The following NEK7 variants were observed in gnomAD, a reference collection of about 807,000 sequenced individuals.
NEK7 encodes the protein NIMA related kinase 7.
A neutral mutation model predicts 44.6 loss-of-function variants in NEK7; 18 were observed. That is an observed-to-expected ratio of 0.40 (90% CI 0.28 to 0.60). The LOEUF (loss-of-function observed/expected upper bound fraction) is 0.60. Among genes scored for constraint, NEK7 ranks in the 20% least tolerant of loss-of-function variants. The pLI is 0.38. For synonymous variants in NEK7, 130 were observed against 121.1 expected (o/e 1.07, Z -0.48); for missense variants, 256 against 366.5 (o/e 0.70, Z 2.46).
At chr1:198,217,203 C>T (rs1163444205) in intron 1 of NEK7, among the ~76,000 whole-genome samples, 1 of 151,960 alleles carries the variant, frequency 6.6e-6, no homozygotes, top group African/African-American at 2.4e-5. Flanking sequence ...AAATCCTCAA[C>T]AGAGTGTTAG....
chr1:198,238,161 T>G (rs765991335), intron 2 of NEK7, among the ~76,000 whole-genome samples: 9 of 152,152 alleles, frequency 5.9e-5, no homozygotes, highest in Non-Finnish European at 1.2e-4. Flanking sequence ...TTTTAATTTT[T>G]CCCCACCTCC....
rs563317202 is a variant in NEK7, at chr1:198,292,933, G to GT, written c.590-5dup. The GT allele has an allele frequency of 1.5e-4, 219 of 1,432,786 alleles. 2 individuals carry two copies. The South Asian group carries it at 1.6e-3, about 11-fold the overall frequency. The allele number at this position is 1,432,786 out of a possible 1,614,324, so 88.8% of individuals were successfully genotyped here. A position where few individuals can be genotyped will look rare whatever the true frequency, so the allele number is the denominator to read the frequency against. The stretch of plus-strand genomic sequence containing the variant: ...ATATACCTCTTACTTTATTTGGTTT[G>GT]TTTTTTTGCAGTTGGTACGCCTTAT... On this transcript the variant is annotated splice_polypyrimidine_tract_variant and intron_variant, in intron 7 of 9. Coordinates refer to ENST00000367385, the MANE Select transcript of NEK7 (RefSeq NM_133494.3).
chr1:198,277,929 T>G (rs765447602), intron 5 of NEK7, 32 bp from the exon 6 acceptor site: 2 of 1,364,610 alleles, frequency 1.5e-6, no homozygotes, highest in South Asian at 2.4e-5. Flanking sequence ...AAATTTTAGT[T>G]TTTATAGTTC....
At chr1:198,315,233 T>A (rs1354907222) in intron 9 of NEK7, among the ~76,000 whole-genome samples, 30 of 152,264 alleles carry the variant, frequency 2.0e-4, no homozygotes, top group Admixed American at 1.7e-3. Context: ...TTTGACTAGG[T>A]AAGGGAACTC....
At chr1:198,283,848 A>C (rs902919752) in intron 7 of NEK7, among the ~76,000 whole-genome samples, 4 of 152,086 alleles carry the variant, frequency 2.6e-5, no homozygotes, top group Non-Finnish European at 4.4e-5. Flanking sequence ...GTTACAGCCC[A>C]CTAAATTGAT....
At chr1:198,268,311 A>C (rs1927245) in intron 5 of NEK7, among the ~76,000 whole-genome samples, 20,900 of 151,718 alleles carry the variant, frequency 0.14, 2,094 homozygotes, top group East Asian at 0.57. Flanking sequence ...TTCCTTACAG[A>C]CTACCCATCC....
At chr1:198,248,879 A>G (rs1161570253) in intron 2 of NEK7, among the ~76,000 whole-genome samples, 2 of 151,558 alleles carry the variant, frequency 1.3e-5, no homozygotes, top group Non-Finnish European at 2.9e-5. Context: ...CTTTTATTTT[A>G]TTTTATTTTA....
intron 2 of NEK7, among the ~76,000 whole-genome samples, chr1:198,246,277 C>T (rs1251882850): frequency 6.6e-6 from 1 of 151,536 alleles, no homozygotes; most frequent in African/African-American, 2.4e-5. Context: ...TGCAGCTATG[C>T]TCCTTCTCAT....
In NEK7 at chr1:198,264,117, T is replaced by A; in HGVS notation, c.262-8T>A. On this transcript the variant is annotated splice_polypyrimidine_tract_variant and splice_region_variant and intron_variant, in intron 4 of 9. Transcript: ENST00000367385. ...GAAAACTTTCTGATGCCTGTTTTAT[T>A]TTCTCAGCAACTCAACCATCCAAAT... 1 of 1,577,824 alleles carries A rather than the reference T, an allele frequency of 6.3e-7. No homozygotes were observed. The highest frequency in any genetic ancestry group is 8.6e-7 in the Non-Finnish European group (1 of 1,165,718).
intron 2 of NEK7, among the ~76,000 whole-genome samples, chr1:198,252,248 T>G (rs1423111431): frequency 1.3e-5 from 2 of 152,052 alleles, no homozygotes; most frequent in African/African-American, 4.8e-5. Flanking sequence ...GACAGTTTGT[T>G]ATAATTTCTG....
At chr1:198,202,910 G>A (rs1462315865) in intron 1 of NEK7, among the ~76,000 whole-genome samples, 1 of 152,048 alleles carries the variant, frequency 6.6e-6, no homozygotes, top group East Asian at 1.9e-4. Flanking sequence ...ATGACTCTAG[G>A]GTCAGGGATG....
At chr1:198,206,123 G>A (rs1665591840) in intron 1 of NEK7, among the ~76,000 whole-genome samples, 1 of 151,896 alleles carries the variant, frequency 6.6e-6, no homozygotes, top group South Asian at 2.1e-4. Flanking sequence ...CTATTAATAT[G>A]GCCTACTGGT....
chr1:198,207,613 T>A (rs1665635934), intron 1 of NEK7, among the ~76,000 whole-genome samples: 1 of 152,202 alleles, frequency 6.6e-6, no homozygotes, highest in African/African-American at 2.4e-5. Context: ...GCTTCATTTA[T>A]ATGATATCCT....
chr1:198,311,163 A>C (rs1655170480), intron 9 of NEK7, among the ~76,000 whole-genome samples: 4 of 146,864 alleles, frequency 2.7e-5, no homozygotes. Context: ...CATCCCTTGT[A>C]AGTTGGATTC....
At chr1:198,213,793 T>G (rs543235448) in intron 1 of NEK7, among the ~76,000 whole-genome samples, 3 of 152,094 alleles carry the variant, frequency 2.0e-5, no homozygotes, top group African/African-American at 7.2e-5. Flanking sequence ...CTGTCAAGGG[T>G]GGGACCTCTG....
intron 7 of NEK7, among the ~76,000 whole-genome samples, chr1:198,292,139 T>C (rs1654578023): frequency 6.6e-6 from 1 of 152,108 alleles, no homozygotes; most frequent in Non-Finnish European, 1.5e-5. Flanking sequence ...AAATTAAAGA[T>C]ACTCACTTTG....
At chr1:198,301,167 A>G (rs968354560) in intron 9 of NEK7, among the ~76,000 whole-genome samples, 9 of 152,258 alleles carry the variant, frequency 5.9e-5, no homozygotes, top group African/African-American at 2.2e-4. Context: ...GTTTCTTTCA[A>G]TACTTTTTAT....
intron 1 of NEK7, among the ~76,000 whole-genome samples, chr1:198,160,425 A>C (rs1664070066): frequency 6.6e-6 from 1 of 152,042 alleles, no homozygotes; most frequent in Non-Finnish European, 1.5e-5. Flanking sequence ...CTCTGTCCTC[A>C]TTCCCGGTTT....
intron 9 of NEK7, among the ~76,000 whole-genome samples, chr1:198,299,163 T>C (rs1263269054): frequency 6.6e-6 from 1 of 152,234 alleles, no homozygotes; most frequent in Non-Finnish European, 1.5e-5. Context: ...CATTCCCTGA[T>C]GAAATAGAAA....
Sources: allele counts gnomAD v4.1 joint callset (sites outside exome capture counted in the v4.1 genomes callset), GRCh38; gene constraint gnomAD v4.1.1; transcripts MANE v1.5; gene names NCBI Gene and HGNC (gene_info 2026-07-23, HGNC 2026-07-21).